PTCH1: variants seen among roughly 807,000 people sequenced by gnomAD.
The protein encoded by PTCH1 is protein patched homolog 1.
Under a neutral mutation model 144.6 loss-of-function variants are expected in PTCH1, and 14 were observed. The ratio of observed to expected loss-of-function variants is 0.10; its 90% CI spans 0.06 to 0.15. The LOEUF is 0.15. PTCH1 is among the 10% of genes least tolerant of loss of function. The probability of loss-of-function intolerance (pLI) is 1.00; values close to 1 mark genes in which losing one functional copy is unlikely to be tolerated. For synonymous variants in PTCH1, 833 were observed against 793.6 expected (o/e 1.05, Z -0.83); for missense variants, 1,623 against 1,948.3 (o/e 0.83, Z 3.14).
At chr9:95,446,525 C>T (rs1377219947) in intron 23 of PTCH1, 134 bp from the exon 24 acceptor site, 1 of 455,216 alleles carries the variant, frequency 2.2e-6, no homozygotes, top group Non-Finnish European at 4.3e-6. Context: ...TGAGGTGTCC[C>T]TGGGGGCTGC....
At chr9:95,511,991 C>A (rs1844180590), upstream of PTCH1, among the ~76,000 whole-genome samples, 1 of 152,126 alleles carries the variant, frequency 6.6e-6, no homozygotes, top group Non-Finnish European at 1.5e-5. Context: ...ATTAGTGTTT[C>A]GTCTCAATCT....
intron 12 of PTCH1, 112 bp from the exon 13 acceptor site, chr9:95,470,043 A>G: frequency 2.4e-6 from 2 of 832,908 alleles, no homozygotes; most frequent in South Asian, 2.8e-5. Context: ...TTTCCTCTTG[A>G]AGCATTTGAA....
chr9:95,489,636 C>T (rs1169849433), intron 2 of PTCH1, among the ~76,000 whole-genome samples: 1 of 150,174 alleles, frequency 6.7e-6, no homozygotes, highest in African/African-American at 2.4e-5. Flanking sequence ...TCAGGCATGA[C>T]TTTTTTCCAC....
In PTCH1 at chr9:95,458,194, G is replaced by A; in HGVS notation, c.2987C>T (p.Thr996Ile). Residue 996 changes from threonine (T) to isoleucine (I), a missense_variant, in exon 18 of 24, where the codon ACC (threonine) becomes ATC (isoleucine). Physicochemically the swap from Thr to Ile is moderately conservative, Grantham distance 89 (BLOSUM62 -1). Around this residue, in one of 7 missense-constraint regions of PTCH1, gnomAD observed 504 missense variants for 679.3 expected, o/e 0.74. Coordinates refer to ENST00000331920, the MANE Select transcript of PTCH1 (RefSeq NM_000264.5). The surrounding 1 kb of genome is among the most constrained non-coding windows in gnomAD (Gnocchi z 4.7). ...CAGGCTCGTATAGTTGCTGCAGATG[G>A]TCCTTACTTTTTCAATTGCCTCCAC... Reference protein sequence around the residue: ...DFVEAIEKVRTICSNYTSLGL... With the variant: ...DFVEAIEKVRIICSNYTSLGL... 1 of 1,614,148 alleles carries A rather than the reference G, an allele frequency of 6.2e-7. No homozygotes were observed. The highest frequency in any genetic ancestry group is 8.5e-7 in the Non-Finnish European group (1 of 1,180,036).
intron 14 of PTCH1, 110 bp downstream of exon 14, chr9:95,468,641 A>AT: frequency 7.3e-7 from 1 of 1,363,764 alleles, no homozygotes; most frequent in Non-Finnish European, 1.0e-6. Flanking sequence ...ACTTAAACGA[A>AT]ATTTTTTTTT....
intron 22 of PTCH1, among the ~76,000 whole-genome samples, chr9:95,448,227 C>T (rs188847906): frequency 1.3e-5 from 2 of 152,310 alleles, no homozygotes; most frequent in African/African-American, 2.4e-5. Context: ...GCTCAGCGGG[C>T]GTCGTCGCGG....
In PTCH1 at chr9:95,469,893, C is replaced by T. The variant is rs1336182528; in HGVS notation, c.1767G>A (p.Leu589=). 1 of 1,614,140 alleles carries T rather than the reference C, an allele frequency of 6.2e-7. No individual in the cohort carries two copies. The highest frequency in any genetic ancestry group is 1.7e-5 in the Admixed American group (1 of 60,026). Residue 589 remains leucine, a synonymous_variant, in exon 13 of 24, where the codon CTG becomes CTA. Coordinates refer to ENST00000331920, the MANE Select transcript of PTCH1 (RefSeq NM_000264.5). ...VVVVFNFAMV[L]LIFPAILSMD... ...TGCTGAGAATTGCAGGAAAAATGAG[C>T]AGAACCATGGCAAAATTGAACACCA...
intron 14 of PTCH1, 136 bp downstream of exon 14, chr9:95,468,615 G>A (rs569811659): frequency 1.7e-6 from 2 of 1,164,492 alleles, no homozygotes; most frequent in African/African-American, 1.5e-5. Flanking sequence ...ACTTTTGGAG[G>A]ACTGAAATGT....
At chr9:95,512,406 TCTG>T (rs1251691236), upstream of PTCH1, among the ~76,000 whole-genome samples, 3 of 122,814 alleles carry the variant, frequency 2.4e-5, no homozygotes, top group Non-Finnish European at 3.2e-5. Flanking sequence ...TCCCCTGTGG[TCTG>T]CTTTTTTCAT....
At chr9:95,469,346 G>A (rs987440217) in intron 13 of PTCH1, among the ~76,000 whole-genome samples, 193 bp from the exon 14 acceptor site, 2 of 152,162 alleles carry the variant, frequency 1.3e-5, no homozygotes, top group African/African-American at 2.4e-5. Context: ...TGGTGAACTA[G>A]ATAAAAGTCA....
intron 2 of PTCH1, among the ~76,000 whole-genome samples, chr9:95,504,275 C>T (rs1554707791): frequency 6.6e-6 from 1 of 152,052 alleles, no homozygotes; most frequent in Non-Finnish European, 1.5e-5. Context: ...AAAAGAAAAA[C>T]TTTACTCCCT....
chr9:95,479,299 GTTATT>G, intron 7 of PTCH1, 152 bp from the exon 8 acceptor site: 5 of 1,005,248 alleles, frequency 5.0e-6, no homozygotes, highest in South Asian at 4.1e-5. Context: ...GACCAGGATG[GTTATT>G]TTATTTAATA....
intron 14 of PTCH1, among the ~76,000 whole-genome samples, chr9:95,468,069 T>C (rs1588571415): frequency 6.6e-6 from 1 of 152,044 alleles, no homozygotes; most frequent in South Asian, 2.1e-4. Flanking sequence ...ACCATGCCTT[T>C]TTTCCCCCTC....
intron 2 of PTCH1, among the ~76,000 whole-genome samples, chr9:95,486,676 A>G (rs1564064528): frequency 6.6e-6 from 1 of 152,266 alleles, no homozygotes. Flanking sequence ...GCCCAAAGCC[A>G]GCGCAGGAGC....
chr9:95,490,710 G>C (rs1275253340), intron 2 of PTCH1, among the ~76,000 whole-genome samples: 4 of 152,168 alleles, frequency 2.6e-5, no homozygotes, highest in Non-Finnish European at 5.9e-5. Flanking sequence ...GGTTATCAGA[G>C]GCTGGGAAGA....
chr9:95,452,990 G>A (rs1838597849), intron 20 of PTCH1: 1 of 239,056 alleles, frequency 4.2e-6, no homozygotes, highest in African/African-American at 2.2e-5. Context: ...TACTCCCCAA[G>A]ACAGCTCTAG....
At chr9:95,516,404 C>G in intron 1 of PTCH1, 1 of 1,252,532 alleles carries the variant, frequency 8.0e-7, no homozygotes, top group Non-Finnish European at 1.0e-6. Flanking sequence ...TGTCCCCGCG[C>G]CGCCCGAGGA....
chr9:95,449,655 C>A lies in PTCH1; in HGVS notation c.3549+186G>T. On this transcript the variant is annotated intron_variant, in intron 21 of 23. Transcript: ENST00000331920. This position sits in a 1 kb window ranked among gnomAD's most constrained non-coding sequence, Gnocchi z 5.3. ...TGCCAATCAGTTGATTTAGAGGAAC[C>A]AAACCGAACCCGCCCTCTAGCCCTC... The A allele has an allele frequency of 1.4e-6, 1 of 700,744 alleles. No homozygotes were observed. The highest frequency in any genetic ancestry group is 2.4e-6 in the Non-Finnish European group (1 of 408,670). The allele number at this position is 700,744 out of a possible 1,614,324, so 43.4% of individuals were successfully genotyped here.
intron 2 of PTCH1, among the ~76,000 whole-genome samples, chr9:95,491,003 T>C (rs895031074): frequency 6.6e-6 from 1 of 152,252 alleles, no homozygotes; most frequent in African/African-American, 2.4e-5. Context: ...TACAGTATTA[T>C]GTATCAATAA....
Sources: gnomAD v4.1 joint callset for allele counts (sites outside exome capture counted in the v4.1 genomes callset) on GRCh38, gnomAD v4.1.1 for gene constraint, gnomAD v4.1.1 regional missense constraint, Gnocchi (gnomAD v3.1) non-coding constraint, MANE v1.5 for transcripts, NCBI Gene and HGNC (gene_info 2026-07-23, HGNC 2026-07-21) for gene names.